The following PALD1 variants were observed in gnomAD, a reference collection of about 807,000 sequenced individuals.
PALD1 encodes phosphatase domain containing paladin 1.
Under a neutral mutation model 96.0 loss-of-function variants are expected in PALD1, and 57 were observed. That is an observed-to-expected ratio of 0.59 (90% CI 0.48 to 0.74). The LOEUF (loss-of-function observed/expected upper bound fraction) is 0.74, where lower values mean the gene tolerates loss of function less well. Ranked by LOEUF, PALD1 falls within the 30% of genes least tolerant of loss-of-function variation. PALD1 has a pLI of 0.00. For synonymous variants in PALD1, 464 were observed against 473.6 expected (o/e 0.98, Z 0.26); for missense variants, 1,063 against 1,143.7 (o/e 0.93, Z 1.02).
At chr10:70,505,171 A>T (rs1213503391) in intron 1 of PALD1, among the ~76,000 whole-genome samples, 1 of 152,252 alleles carries the variant, frequency 6.6e-6, no homozygotes, top group East Asian at 1.9e-4. Context: ...TTGAACTCAC[A>T]GTGGGTGACA....
chr10:70,471,169 G>C, the PALD1 span, among the ~76,000 whole-genome samples: 1 of 152,186 alleles, frequency 6.6e-6, no homozygotes, highest in Non-Finnish European at 1.5e-5. Context: ...ATATTAGCCA[G>C]GCTGGTCTTG....
At chr10:70,528,104 G>A (rs4747047) in intron 2 of PALD1, among the ~76,000 whole-genome samples, 32,158 of 151,932 alleles carry the variant, frequency 0.21, 4,325 homozygotes, top group East Asian at 0.48. Flanking sequence ...TACAAAGGAC[G>A]TGAATTCATC....
chr10:70,542,781 A>G (rs1370038041), intron 17 of PALD1, among the ~76,000 whole-genome samples: 2 of 152,178 alleles, frequency 1.3e-5, no homozygotes, highest in African/African-American at 4.8e-5. Context: ...TCTTTTGGGC[A>G]TATACTCAGG....
chr10:70,485,280 T>A, intron 1 of PALD1: 1 of 152,744 alleles, frequency 6.5e-6, no homozygotes. Flanking sequence ...TTATTCCCTG[T>A]TATACTTCTG....
the PALD1 span, among the ~76,000 whole-genome samples, chr10:70,460,866 G>A: frequency 6.6e-6 from 1 of 152,064 alleles, no homozygotes; most frequent in Non-Finnish European, 1.5e-5. Flanking sequence ...GACCAGCCTG[G>A]CCAACGTGGA....
intron 1 of PALD1, among the ~76,000 whole-genome samples, chr10:70,491,666 A>G (rs77907168): frequency 0.033 from 4,978 of 152,308 alleles, 114 homozygotes; most frequent in Non-Finnish European, 0.052. Flanking sequence ...ATGTTTTGCA[A>G]CCATCACCAC....
intron 17 of PALD1, among the ~76,000 whole-genome samples, chr10:70,544,355 A>G (rs969371081): frequency 1.3e-5 from 2 of 152,052 alleles, no homozygotes; most frequent in Admixed American, 1.3e-4. Flanking sequence ...GGGGGCCCAT[A>G]TTGTGAAGGC....
chr10:70,567,666 G>A lies in PALD1; in HGVS notation c.*933G>A, dbSNP rs150772115. 8.5e-5 allele frequency: 13 copies of A among 152,942 alleles called. No homozygotes were observed. In the East Asian group the frequency reaches 2.5e-3, roughly 29 times the overall value. 9.5% of individuals were successfully genotyped at this position (152,942 alleles called of 1,614,324 possible). Reference sequence around the variant, plus strand: ...GTGGTCCTCATGGACAGTGAGGTGTGCAAGGGTGCACTGAGGGTGGTGGGA... The same window carrying A: ...GTGGTCCTCATGGACAGTGAGGTGTACAAGGGTGCACTGAGGGTGGTGGGA... On this transcript the variant is annotated 3_prime_UTR_variant, in exon 20 of 20. Transcript: ENST00000263563.
chr10:70,522,182 C>A (rs1490265116), intron 1 of PALD1, among the ~76,000 whole-genome samples: 1 of 152,112 alleles, frequency 6.6e-6, no homozygotes. Flanking sequence ...TGGTGGACAC[C>A]CAGGCCGTTG....
intron 7 of PALD1, 93 bp from the exon 8 acceptor site, chr10:70,533,825 GGGCA>G (rs1356824246): frequency 6.0e-6 from 7 of 1,166,136 alleles, no homozygotes; most frequent in Non-Finnish European, 8.2e-6. Flanking sequence ...GCAGACTGTG[GGGCA>G]GGGTGGGCTG....
chr10:70,521,551 G>C (rs539130675), intron 1 of PALD1, among the ~76,000 whole-genome samples: 24 of 151,414 alleles, frequency 1.6e-4, no homozygotes, highest in Non-Finnish European at 2.9e-5. Context: ...CTTTTTTTTC[G>C]AGATGGAGTC....
At chr10:70,548,627 C>T (rs1214581209) in intron 18 of PALD1, among the ~76,000 whole-genome samples, 1 of 152,188 alleles carries the variant, frequency 6.6e-6, no homozygotes, top group African/African-American at 2.4e-5. Flanking sequence ...TGAGAGAGGG[C>T]TATATGTACC....
At chr10:70,546,419 T>C (rs1474847910) in intron 17 of PALD1, among the ~76,000 whole-genome samples, 3 of 152,228 alleles carry the variant, frequency 2.0e-5, no homozygotes, top group Non-Finnish European at 4.4e-5. Context: ...ATGGTTTTTT[T>C]TGTAGAATTA....
the PALD1 span, among the ~76,000 whole-genome samples, chr10:70,471,149 A>G: frequency 6.0e-4 from 92 of 152,102 alleles, 1 homozygote; most frequent in Non-Finnish European, 1.0e-3. Context: ...AGTAGAGACG[A>G]GGTTTCTCCA....
intron 1 of PALD1, among the ~76,000 whole-genome samples, chr10:70,513,257 G>C (rs1048896669): frequency 3.3e-5 from 5 of 152,198 alleles, no homozygotes; most frequent in Non-Finnish European, 1.5e-5. Context: ...CACTTTGGGA[G>C]GCCGAGGTGG....
rs1847208886 is a variant in PALD1, at chr10:70,540,003, G to A, written c.1908+241G>A. Among the ~76,000 whole-genome samples, 1 of 152,154 alleles carries A rather than the reference G, an allele frequency of 6.6e-6. No individual in the cohort carries two copies. The highest frequency in any genetic ancestry group is 1.5e-5 in the Non-Finnish European group (1 of 68,020). On this transcript the variant is annotated intron_variant, in intron 15 of 19. Coordinates refer to ENST00000263563, the MANE Select transcript of PALD1 (RefSeq NM_014431.3). This position sits in a 1 kb window ranked among gnomAD's most constrained non-coding sequence, Gnocchi z 4.2. ...TATGTGTGTGTATTGTTATAGGTGT[G>A]TGTGTATTGGAGTGTGTATTCTGTT...
intron 1 of PALD1, among the ~76,000 whole-genome samples, chr10:70,482,282 G>A (rs1013486071): frequency 3.3e-5 from 5 of 152,208 alleles, no homozygotes; most frequent in African/African-American, 1.2e-4. Context: ...CGGGCGTATG[G>A]AAGCTTGGGC....
chr10:70,492,638 G>A (rs1327418619), intron 1 of PALD1, among the ~76,000 whole-genome samples: 2 of 151,720 alleles, frequency 1.3e-5, no homozygotes, highest in Non-Finnish European at 1.5e-5. Flanking sequence ...TGTGTATTTA[G>A]TAGAGATGGG....
chr10:70,539,308 G>C lies in PALD1; in HGVS notation c.1725+61G>C, dbSNP rs777062170. ...GAGGCTTCTGGGGAGTGGCCTGGGA[G>C]GGTCTTCAGAAGGCCTCACACTCCC... is the stretch of plus-strand genomic sequence containing the variant. On this transcript the variant is annotated intron_variant, in intron 14 of 19. Transcript: ENST00000263563. The surrounding 1 kb of genome is among the most constrained non-coding windows in gnomAD (Gnocchi z 4.5). 6.6e-7 allele frequency: 1 copy of C among 1,509,182 alleles called. No individual in the cohort carries two copies. Among genetic ancestry groups the C allele is most frequent in the Non-Finnish European group, 8.9e-7 (1 of 1,121,616 alleles). 93.5% of individuals were successfully genotyped at this position (1,509,182 alleles called of 1,614,324 possible).
Sources: allele counts gnomAD v4.1 joint callset (sites outside exome capture counted in the v4.1 genomes callset), GRCh38; gene constraint gnomAD v4.1.1; non-coding constraint Gnocchi (gnomAD v3.1); transcripts MANE v1.5; gene names NCBI Gene and HGNC (gene_info 2026-07-23, HGNC 2026-07-21).